The following CFI variants were observed in gnomAD, a reference collection of about 807,000 sequenced individuals.
The protein encoded by CFI is C3B/C4B inactivator.
In CFI, 66 loss-of-function variants were observed where a neutral mutation model predicts 78.8. The ratio of observed to expected loss-of-function variants is 0.84; its 90% confidence interval spans 0.69 to 1.03. The LOEUF is 1.03. Ranked by LOEUF, CFI falls within the 50% of genes least tolerant of loss-of-function variation. The pLI, the probability that CFI is intolerant of heterozygous loss-of-function variation, is 0.00. For synonymous variants in CFI, 250 were observed against 232.6 expected, an observed-to-expected ratio of 1.07 and a Z score of -0.68; for missense variants, 706 against 704.5, an observed-to-expected ratio of 1.00 and a Z score of -0.02.
chr4:109,780,600 A>T (rs1346073087), intron 1 of CFI, among the ~76,000 whole-genome samples: 2 of 152,178 alleles, frequency 1.3e-5, no homozygotes, highest in Non-Finnish European at 2.9e-5. Context: ...GATTCCTCAC[A>T]GATCTAGAAC....
intron 4 of CFI, 37 bp downstream of exon 4, chr4:109,761,480 C>T: frequency 6.2e-7 from 1 of 1,603,658 alleles, no homozygotes; most frequent in Non-Finnish European, 8.5e-7. Context: ...AAACAACCTT[C>T]AAGGAAGGGA....
At chr4:109,772,971 G>A (rs976724430) in intron 1 of CFI, among the ~76,000 whole-genome samples, 5 of 152,270 alleles carry the variant, frequency 3.3e-5, no homozygotes, top group African/African-American at 1.2e-4. Context: ...AAAATAGAAA[G>A]ATTGCATTTT....
chr4:109,785,820 G>A (rs1302280793), intron 1 of CFI, among the ~76,000 whole-genome samples: 2 of 151,852 alleles, frequency 1.3e-5, no homozygotes, highest in East Asian at 1.9e-4. Flanking sequence ...TTTCATAAGG[G>A]GCTCTTCCTC....
intron 1 of CFI, among the ~76,000 whole-genome samples, chr4:109,795,358 T>G (rs1731929935): frequency 6.6e-6 from 1 of 152,212 alleles, no homozygotes; most frequent in Non-Finnish European, 1.5e-5. Flanking sequence ...TCTGGCTGAC[T>G]GATTTGTGAA....
chr4:109,763,713 C>T (rs958031734), intron 3 of CFI, among the ~76,000 whole-genome samples: 3 of 151,720 alleles, frequency 2.0e-5, no homozygotes, highest in Admixed American at 1.3e-4. Context: ...GAACCCTGCA[C>T]GTGGAGCATT....
intron 7 of CFI, among the ~76,000 whole-genome samples, chr4:109,755,767 TA>T (rs1726057753): frequency 6.6e-6 from 1 of 152,186 alleles, no homozygotes; most frequent in South Asian, 2.1e-4. Flanking sequence ...TATTGTGTTA[TA>T]GCAAGACAAA....
intron 1 of CFI, among the ~76,000 whole-genome samples, chr4:109,776,559 C>A (rs965412960): frequency 1.3e-5 from 2 of 152,152 alleles, no homozygotes; most frequent in African/African-American, 4.8e-5. Context: ...CAGGATATTA[C>A]CCAGGAGAAC....
Position 109,776,801 on chromosome 4 carries a change from G to C in CFI, c.58-9977C>G, listed in dbSNP as rs1250014485. On this transcript the variant is annotated intron_variant, in intron 1 of 12. Coordinates refer to ENST00000394634, the MANE Select transcript of CFI (RefSeq NM_000204.5). ...CGCAGAAACTCTACAAGCCAGAAGA[G>C]AGTGGGAGCCAATATTCAACATTCT... Among the ~76,000 whole-genome samples the C allele has an allele frequency of 6.6e-5, 10 of 152,354 alleles. No homozygotes were observed. The East Asian group carries it at 1.9e-3, about 29-fold the overall frequency.
At chr4:109,759,845 G>A (rs1363872311) in intron 6 of CFI, among the ~76,000 whole-genome samples, 2 of 152,158 alleles carry the variant, frequency 1.3e-5, no homozygotes, top group Non-Finnish European at 2.9e-5. Context: ...AATGAGCCAA[G>A]ATTGTGCCAC....
In CFI at chr4:109,792,747, C is replaced by T. The variant is rs149159445; in HGVS notation, c.57+9168G>A. On this transcript the variant is annotated intron_variant, in intron 1 of 12. Coordinates refer to ENST00000394634, the MANE Select transcript of CFI (RefSeq NM_000204.5). ...ATATCATGTAATTTATCTCTTGTAA[C>T]GGTTTTTGACTTAAGGTCTATTTTG... Among the ~76,000 whole-genome samples, 23 of 152,104 alleles carry T rather than the reference C, an allele frequency of 1.5e-4. No homozygotes were observed. The East Asian group carries it at 2.7e-3, about 18-fold the overall frequency.
intron 1 of CFI, among the ~76,000 whole-genome samples, chr4:109,771,255 T>TA (rs892996588): frequency 1.3e-5 from 2 of 149,880 alleles, no homozygotes; most frequent in Non-Finnish European, 3.0e-5. Flanking sequence ...AAAAAATAAA[T>TA]AAAAAAAATT....
intron 7 of CFI, among the ~76,000 whole-genome samples, chr4:109,753,865 A>T: frequency 3.5e-5 from 3 of 84,942 alleles, no homozygotes; most frequent in Admixed American, 1.9e-4. Context: ...ATATTATATA[A>T]TGTATAATTT....
At chr4:109,744,504 G>T (rs1212182447) in intron 11 of CFI, among the ~76,000 whole-genome samples, 1 of 152,196 alleles carries the variant, frequency 6.6e-6, no homozygotes, top group Non-Finnish European at 1.5e-5. Context: ...GGGAAGGAAA[G>T]AGGTAGGCTA....
chr4:109,764,419 A>G (rs2126220556), intron 3 of CFI, 118 bp downstream of exon 3: 2 of 1,130,750 alleles, frequency 1.8e-6, no homozygotes, highest in Non-Finnish European at 2.7e-6. Context: ...TATGATGCAC[A>G]TAGTTAATTT....
chr4:109,732,983 A>T, the CFI span, among the ~76,000 whole-genome samples: 1 of 149,210 alleles, frequency 6.7e-6, no homozygotes, highest in Non-Finnish European at 1.5e-5. Context: ...TATCATATAA[A>T]TTTTTTTTTT....
At chr4:109,756,893 GAAAGA>G (rs1470960052) in intron 7 of CFI, among the ~76,000 whole-genome samples, 34 of 13,778 alleles carry the variant, frequency 2.5e-3, no homozygotes, top group African/African-American at 7.7e-3. Flanking sequence ...AGAAAGGAAA[GAAAGA>G]AAGAAAGAAA....
intron 3 of CFI, 48 bp from the exon 4 acceptor site, chr4:109,761,740 G>A (rs762861344): frequency 2.7e-6 from 4 of 1,465,068 alleles, no homozygotes; most frequent in Non-Finnish European, 3.8e-6. Flanking sequence ...TTAGTACTTT[G>A]CATTTATAAC....
At chr4:109,777,508 C>T (rs1346827034) in intron 1 of CFI, among the ~76,000 whole-genome samples, 2 of 151,926 alleles carry the variant, frequency 1.3e-5, no homozygotes, top group Non-Finnish European at 2.9e-5. Flanking sequence ...TACAAAGAGA[C>T]TTAGACTCCC....
the CFI span, among the ~76,000 whole-genome samples, chr4:109,731,895 A>G: frequency 6.6e-6 from 1 of 152,238 alleles, no homozygotes; most frequent in Non-Finnish European, 1.5e-5. Context: ...ACATTTCAAT[A>G]CATTTTAAAA....
Sources: gnomAD v4.1 joint callset for allele counts (sites outside exome capture counted in the v4.1 genomes callset) on GRCh38, gnomAD v4.1.1 for gene constraint, MANE v1.5 for transcripts, NCBI Gene and HGNC (gene_info 2026-07-23, HGNC 2026-07-21) for gene names.